CLEC2A: variants seen among roughly 807,000 people sequenced by gnomAD.
CLEC2A encodes keratinocyte-associated C-type lectin.
In CLEC2A, 19 loss-of-function variants were observed where a neutral mutation model predicts 18.6. That is an observed-to-expected ratio of 1.02 (90% CI 0.71 to 1.50). The LOEUF (loss-of-function observed/expected upper bound fraction) is 1.50. CLEC2A is among the 40% of genes most tolerant of loss of function. The pLI, the probability that CLEC2A is intolerant of heterozygous loss-of-function variation, is 0.00. For synonymous variants in CLEC2A, 74 were observed against 64.0 expected, an observed-to-expected ratio of 1.16 and a Z score of -0.75; for missense variants, 190 against 207.9, an observed-to-expected ratio of 0.91 and a Z score of 0.53.
At chr12:9,908,001 C>T (rs111360440) in intron 4 of CLEC2A, among the ~76,000 whole-genome samples, 227 of 152,226 alleles carry the variant, frequency 1.5e-3, no homozygotes, top group African/African-American at 5.3e-3. Context: ...TTGTGCTAGT[C>T]GGTATGACCT....
downstream of CLEC2A, among the ~76,000 whole-genome samples, chr12:9,911,866 G>A (rs1862992067): frequency 6.6e-6 from 1 of 152,058 alleles, no homozygotes; most frequent in Non-Finnish European, 1.5e-5. Flanking sequence ...ACCTAAGGCA[G>A]GGCTGCTAAA....
At chr12:9,893,096 G>A in the CLEC2A span, 19 of 1,535,458 alleles carry the variant, frequency 1.2e-5, no homozygotes, top group African/African-American at 4.1e-5. Context: ...CTTTTAAAAC[G>A]TGGAAAGAGA....
the CLEC2A span, among the ~76,000 whole-genome samples, chr12:9,882,986 A>C: frequency 6.6e-6 from 1 of 152,188 alleles, no homozygotes; most frequent in Non-Finnish European, 1.5e-5. Flanking sequence ...GTGTACAGAG[A>C]CTTAAAATCT....
chr12:9,884,787 C>G, the CLEC2A span: 2 of 363,066 alleles, frequency 5.5e-6, no homozygotes, highest in East Asian at 4.2e-5. Flanking sequence ...GTTTGGGATT[C>G]TAGACTTTTT....
chr12:9,926,310 A>G lies in CLEC2A; in HGVS notation c.89T>C (p.Leu30Pro). 6.5e-7 allele frequency: 1 copy of G among 1,550,008 alleles called. No homozygotes were observed. The highest frequency in any genetic ancestry group is 8.7e-7 in the Non-Finnish European group (1 of 1,145,612). ...AATAATAATACTCAGGAAGCACATAAGGCCAATCTTCCAGTTTTGTATCAA... is the reference window on the plus strand; with the variant it reads ...AATAATAATACTCAGGAAGCACATAGGGCCAATCTTCCAGTTTTGTATCAA... Reference protein sequence around the residue: ...PKLIQNWKIGLMCFLSIIITT... With the variant: ...PKLIQNWKIGPMCFLSIIITT... The change falls in exon 2 of 5, where the codon CTT becomes CCT. Residue 30 changes from leucine to proline, a missense_variant. Physicochemically the swap from Leu to Pro is moderately conservative, Grantham distance 98. Transcript: ENST00000455827.
chr12:9,913,506 G>A lies in CLEC2A; in HGVS notation c.*60C>T. The A allele has an allele frequency of 6.6e-7, 1 of 1,505,526 alleles. No individual in the cohort carries two copies. Among genetic ancestry groups the A allele is most frequent in the Non-Finnish European group, 8.8e-7 (1 of 1,132,632 alleles). The allele number at this position is 1,505,526 out of a possible 1,614,324, so 93.3% of individuals were successfully genotyped here. ...CAGAATAAGTGAGAAAGCCACTTTTGCATAATTAGCTCTTCTTTCAATCTT... is the reference window on the plus strand; with the variant it reads ...CAGAATAAGTGAGAAAGCCACTTTTACATAATTAGCTCTTCTTTCAATCTT... On this transcript the variant is annotated 3_prime_UTR_variant, in exon 5 of 5. Coordinates refer to ENST00000455827, the MANE Select transcript of CLEC2A (RefSeq NM_001130711.2).
At chr12:9,893,032 T>C in the CLEC2A span, 1 of 1,535,596 alleles carries the variant, frequency 6.5e-7, no homozygotes, top group Non-Finnish European at 8.7e-7. Flanking sequence ...CACAATTACT[T>C]GTGCCCAAAT....
Position 9,916,872 on chromosome 12 carries a change from C to A in CLEC2A, c.307-69G>T, listed in dbSNP as rs995207078. On this transcript the variant is annotated intron_variant, in intron 3 of 4. Transcript: ENST00000455827. Reference sequence around the variant, plus strand: ...AGCACATTGCTGAACATGCTTCCCACCCCAATTATTCTATCTTTTAGGATT... The same window carrying A: ...AGCACATTGCTGAACATGCTTCCCAACCCAATTATTCTATCTTTTAGGATT... The A allele has an allele frequency of 1.5e-5, 13 of 886,440 alleles. No homozygotes were observed. The Middle Eastern group carries it at 1.9e-3, about 131-fold the overall frequency. The allele number at this position is 886,440 out of a possible 1,614,324, so 54.9% of individuals were successfully genotyped here. A position where few individuals can be genotyped will look rare whatever the true frequency, so the allele number is the denominator to read the frequency against.
chr12:9,924,367 T>G lies in CLEC2A; in HGVS notation c.139+1893A>C, dbSNP rs58320358. ...TCCAGATGTTTAGACAGCAATAACA[T>G]TAAGCTCTAAGACTACACTGACAGT... On this transcript the variant is annotated intron_variant, in intron 2 of 4. Coordinates refer to ENST00000455827, the MANE Select transcript of CLEC2A (RefSeq NM_001130711.2). 8.4e-3 allele frequency among the ~76,000 whole-genome samples: 1,279 copies of G among 152,230 alleles called. 25 individuals carry two copies. The highest frequency in any genetic ancestry group is 0.03 in the African/African-American group (1,250 of 41,532).
At chr12:9,899,189 C>G (rs1470797861) in intron 4 of CLEC2A, among the ~76,000 whole-genome samples, 1 of 151,878 alleles carries the variant, frequency 6.6e-6, no homozygotes, top group African/African-American at 2.4e-5. Flanking sequence ...TGAGCCCAAT[C>G]CTAAAACTAC....
the CLEC2A span, chr12:9,893,560 G>A: frequency 1.0e-6 from 1 of 973,614 alleles, no homozygotes; most frequent in Admixed American, 2.1e-5. Context: ...TTATTTGTAA[G>A]GGAGGGGTGC....
intron 1 of CLEC2A, 87 bp downstream of exon 1, chr12:9,932,188 G>A (rs1313079236): frequency 3.1e-6 from 3 of 965,182 alleles, no homozygotes; most frequent in African/African-American, 1.6e-5. Flanking sequence ...GACTTTCACA[G>A]TAAGTAAAGA....
rs142569639 is a variant in CLEC2A, at chr12:9,922,449, A to G, written c.140-217T>C. On this transcript the variant is annotated intron_variant, in intron 2 of 4. Coordinates refer to ENST00000455827, the MANE Select transcript of CLEC2A (RefSeq NM_001130711.2). ...ACTTTTTTCTATTTCCCTGGCTTCT[A>G]TTTTGAGAAATGGAACCACTAGCTT... Among the ~76,000 whole-genome samples, 469 of 152,288 alleles carry G rather than the reference A, an allele frequency of 3.1e-3. 4 individuals are homozygous for G. Among genetic ancestry groups the G allele is most frequent in the African/African-American group, 0.011 (448 of 41,560 alleles).
chr12:9,926,321 C>T lies in CLEC2A; in HGVS notation c.78G>A (p.Trp26Ter), dbSNP rs759719510. The T allele has an allele frequency of 4.5e-6, 7 of 1,549,280 alleles. No individual in the cohort carries two copies. In the South Asian group the frequency reaches 8.3e-5, roughly 18 times the overall value. The change falls in exon 2 of 5, where the codon TGG becomes TGA. Residue 26 changes from tryptophan to a stop codon, truncating the protein, a stop_gained. Transcript: ENST00000455827. LOFTEE classifies it high-confidence loss of function. ...TCAGGAAGCACATAAGGCCAATCTT[C>T]CAGTTTTGTATCAACTTGGGAACTG... ...HRIVPKLIQN[W>*]KIGLMCFLSI...
At position 9,926,345 on chromosome 12, in the gene CLEC2A, T is replaced by G; in HGVS notation, c.56-2A>C. ...TCCAGTTTTGTATCAACTTGGGAAC[T>G]GCAAATTAAATCAACACATATTTTA... On this transcript the variant is annotated splice_acceptor_variant, in intron 1 of 4. Coordinates refer to ENST00000455827, the MANE Select transcript of CLEC2A (RefSeq NM_001130711.2). LOFTEE classifies it high-confidence loss of function. 6.5e-7 allele frequency: 1 copy of G among 1,534,440 alleles called. No individual in the cohort carries two copies. Among genetic ancestry groups the G allele is most frequent in the South Asian group, 1.2e-5 (1 of 83,690 alleles).
At chr12:9,895,567 A>G, downstream of CLEC2A, 2 of 880,914 alleles carry the variant, frequency 2.3e-6, no homozygotes, top group Non-Finnish European at 3.3e-6. Context: ...ATTCCATTCT[A>G]AAACCTCTGC....
At chr12:9,915,842 T>C (rs2137036321) in intron 4 of CLEC2A, among the ~76,000 whole-genome samples, 1 of 152,342 alleles carries the variant, frequency 6.6e-6, no homozygotes, top group South Asian at 2.1e-4. Context: ...ACATTTTGCA[T>C]TTGTATCCCA....
chr12:9,924,506 G>C (rs1863233180), intron 2 of CLEC2A, among the ~76,000 whole-genome samples: 1 of 142,230 alleles, frequency 7.0e-6, no homozygotes, highest in South Asian at 2.4e-4. Context: ...GTGCTACTTA[G>C]CCAAATATAA....
exon 5 of CLEC2A, chr12:9,898,746 A>T (rs1862785830): frequency 2.0e-6 from 1 of 508,558 alleles, no homozygotes; most frequent in South Asian, 3.5e-5. Flanking sequence ...AGATGGAAAG[A>T]GGAGGATGAA....
Sources: gnomAD v4.1 joint callset for allele counts (sites outside exome capture counted in the v4.1 genomes callset) on GRCh38, gnomAD v4.1.1 for gene constraint, MANE v1.5 for transcripts, NCBI Gene and HGNC (gene_info 2026-07-23, HGNC 2026-07-21) for gene names.